Variants in PLA2G4A observed in about 807,000 individuals in gnomAD.
PLA2G4A encodes cytosolic phospholipase A2.
In PLA2G4A, 40 loss-of-function variants were observed where a neutral mutation model predicts 81.9. The observed-to-expected ratio is 0.49, with a 90% confidence interval of 0.38 to 0.64. The LOEUF (loss-of-function observed/expected upper bound fraction) is 0.64. PLA2G4A is among the 30% of genes least tolerant of loss of function. The pLI is 0.00. For synonymous variants in PLA2G4A, 302 were observed against 296.9 expected (o/e 1.02, Z -0.18); for missense variants, 715 against 905.1 (o/e 0.79, Z 2.69).
chr1:186,954,147 T>C (rs200777344), intron 13 of PLA2G4A, among the ~76,000 whole-genome samples: 2 of 151,274 alleles, frequency 1.3e-5, no homozygotes, highest in East Asian at 3.9e-4. Flanking sequence ...CACATGTATG[T>C]TTATGGTGGC....
chr1:186,983,124 T>C (rs1657783979), intron 17 of PLA2G4A, among the ~76,000 whole-genome samples: 1 of 150,602 alleles, frequency 6.6e-6, no homozygotes, highest in Non-Finnish European at 1.5e-5. Flanking sequence ...AGAAAACACA[T>C]TTTTATCAGA....
intron 3 of PLA2G4A, among the ~76,000 whole-genome samples, chr1:186,874,745 A>G (rs10798063): frequency 0.017 from 2,610 of 152,154 alleles, 71 homozygotes; most frequent in East Asian, 0.057. Flanking sequence ...AATAAAAAAT[A>G]CATATGCTTG....
chr1:186,908,171 A>G (rs950532467), intron 6 of PLA2G4A, among the ~76,000 whole-genome samples: 14 of 152,264 alleles, frequency 9.2e-5, no homozygotes, highest in African/African-American at 3.4e-4. Flanking sequence ...GCAAGAAAGA[A>G]TTAATTAGAA....
intron 7 of PLA2G4A, among the ~76,000 whole-genome samples, chr1:186,926,668 C>G (rs760875793): frequency 3.3e-5 from 5 of 152,136 alleles, no homozygotes; most frequent in Middle Eastern, 3.2e-3. Flanking sequence ...AGACAGTATC[C>G]AGTTTAGACC....
chr1:186,905,103 C>T (rs1177421833), intron 5 of PLA2G4A, among the ~76,000 whole-genome samples: 3 of 152,166 alleles, frequency 2.0e-5, no homozygotes, highest in African/African-American at 7.2e-5. Flanking sequence ...GATCCACCTG[C>T]CTTGGTCTCC....
At chr1:186,866,805 A>T (rs986630466) in intron 2 of PLA2G4A, among the ~76,000 whole-genome samples, 3 of 152,078 alleles carry the variant, frequency 2.0e-5, no homozygotes, top group Non-Finnish European at 2.9e-5. Context: ...TATTATTGAG[A>T]TGGTTCCTTT....
intron 15 of PLA2G4A, among the ~76,000 whole-genome samples, chr1:186,974,597 G>A (rs981912978): frequency 2.6e-5 from 4 of 152,198 alleles, no homozygotes; most frequent in Non-Finnish European, 4.4e-5. Context: ...TACTATGTAA[G>A]TTTATCTTAA....
At chr1:186,924,701 G>T (rs1296228037) in intron 7 of PLA2G4A, among the ~76,000 whole-genome samples, 2 of 151,950 alleles carry the variant, frequency 1.3e-5, no homozygotes, top group Non-Finnish European at 2.9e-5. Flanking sequence ...ACCTCCCAAA[G>T]TGCTGGGATT....
At chr1:186,921,808 C>T (rs1386447190) in intron 7 of PLA2G4A, among the ~76,000 whole-genome samples, 1 of 152,094 alleles carries the variant, frequency 6.6e-6, no homozygotes, top group Non-Finnish European at 1.5e-5. Context: ...AACTAACTGT[C>T]CCTTTGCTAC....
intron 6 of PLA2G4A, among the ~76,000 whole-genome samples, chr1:186,907,421 T>G (rs1654780169): frequency 6.6e-6 from 1 of 152,198 alleles, no homozygotes; most frequent in Non-Finnish European, 1.5e-5. Context: ...AAATTGAGAC[T>G]GATTTTATTC....
At chr1:186,970,040 G>C (rs1571455950) in intron 15 of PLA2G4A, among the ~76,000 whole-genome samples, 1 of 151,780 alleles carries the variant, frequency 6.6e-6, no homozygotes, top group East Asian at 1.9e-4. Context: ...CATGTAGGAG[G>C]GTTCCCCTTT....
intron 7 of PLA2G4A, among the ~76,000 whole-genome samples, chr1:186,911,701 A>C (rs752607924): frequency 1.3e-5 from 2 of 152,156 alleles, no homozygotes; most frequent in Admixed American, 6.6e-5. Context: ...CTCCCTGCAC[A>C]ACCTCCCAAG....
At chr1:186,911,471 A>G in intron 7 of PLA2G4A, 82 bp downstream of exon 7, 2 of 1,003,380 alleles carry the variant, frequency 2.0e-6, no homozygotes, top group Non-Finnish European at 3.2e-6. Context: ...TTACCCAAAT[A>G]TGGCAATATT....
In PLA2G4A at chr1:186,977,679, G is replaced by A. The variant is rs760089340; in HGVS notation, c.1851G>A (p.Leu617=). The A allele has an allele frequency of 1.2e-6, 2 of 1,612,740 alleles. No individual in the cohort carries two copies. The highest frequency in any genetic ancestry group is 1.3e-5 in the African/African-American group (1 of 75,016). ...CTTATGTGTTTGATCGGGAAGGGCT[G>A]AAGGAGTGCTATGTCTTTAAACCCA... ...IDPYVFDREG[L]KECYVFKPKN... is the part of the protein sequence containing the mutation. The change falls in exon 16 of 18, where the codon CTG becomes CTA. Residue 617 remains leucine, a synonymous_variant. Coordinates refer to ENST00000367466, the MANE Select transcript of PLA2G4A (RefSeq NM_024420.3).
chr1:186,879,700 TAAAC>T (rs1429547096), intron 3 of PLA2G4A, among the ~76,000 whole-genome samples: 1 of 151,934 alleles, frequency 6.6e-6, no homozygotes, highest in South Asian at 2.1e-4. Flanking sequence ...GTTTCTTAAA[TAAAC>T]AAAAATCCTA....
intron 2 of PLA2G4A, among the ~76,000 whole-genome samples, chr1:186,861,113 G>C (rs1179875181): frequency 6.6e-6 from 1 of 152,160 alleles, no homozygotes; most frequent in Non-Finnish European, 1.5e-5. Context: ...GCTTCCGTCA[G>C]GCCCCTGGGG....
chr1:186,965,994 G>A (rs12720666), intron 15 of PLA2G4A, among the ~76,000 whole-genome samples: 39 of 152,076 alleles, frequency 2.6e-4, no homozygotes, highest in African/African-American at 8.0e-4. Context: ...AAGGAAGTGT[G>A]TAGTATTATG....
chr1:186,965,525 A>T lies in PLA2G4A; in HGVS notation c.1696A>T (p.Arg566Ter). The change falls in exon 15 of 18, where the codon AGA becomes TGA. Residue 566 changes from arginine to a stop codon, truncating the protein, a stop_gained. Coordinates refer to ENST00000367466, the MANE Select transcript of PLA2G4A (RefSeq NM_024420.3). LOFTEE classifies it high-confidence loss of function. ...LPYPLILRPQ[R>*]GVDLIISFDF... ...GTATCCCTTGATACTGAGACCTCAG[A>T]GAGGGGTTGATCTCATAATCTCCTT... 6.2e-7 allele frequency: 1 copy of T among 1,613,062 alleles called. No homozygotes were observed. The highest frequency in any genetic ancestry group is 8.5e-7 in the Non-Finnish European group (1 of 1,179,014).
At chr1:186,963,511 G>A (rs1218298353) in intron 14 of PLA2G4A, among the ~76,000 whole-genome samples, 2 of 152,166 alleles carry the variant, frequency 1.3e-5, no homozygotes, top group Non-Finnish European at 2.9e-5. Flanking sequence ...GACACAGCCA[G>A]CCTTTATTAT....
Sources: gnomAD v4.1 joint callset for allele counts (sites outside exome capture counted in the v4.1 genomes callset) on GRCh38, gnomAD v4.1.1 for gene constraint, MANE v1.5 for transcripts, NCBI Gene and HGNC (gene_info 2026-07-23, HGNC 2026-07-21) for gene names.